PKD1L1: variants seen among roughly 807,000 people sequenced by gnomAD.
PKD1L1 encodes the protein polycystin 1 like 1, transient receptor potential channel interacting.
Under a neutral mutation model 323.4 loss-of-function variants are expected in PKD1L1, and 236 were observed. That is an observed-to-expected ratio of 0.73 (90% CI 0.66 to 0.81). PKD1L1 has a LOEUF of 0.81. Among genes scored for constraint, PKD1L1 ranks in the 40% least tolerant of loss-of-function variants. The pLI is 0.00. For synonymous variants in PKD1L1, 1,344 were observed against 1,335.0 expected (o/e 1.01, Z -0.15); for missense variants, 3,320 against 3,508.0 (o/e 0.95, Z 1.35).
At chr7:47,910,908 G>A (rs994292835) in intron 8 of PKD1L1, among the ~76,000 whole-genome samples, 6 of 147,450 alleles carry the variant, frequency 4.1e-5, no homozygotes, top group Non-Finnish European at 7.4e-5. Flanking sequence ...AGCTGGTCTC[G>A]AACTCCTGAC....
intron 17 of PKD1L1, among the ~76,000 whole-genome samples, chr7:47,887,024 C>G (rs905542841): frequency 6.8e-6 from 1 of 147,670 alleles, no homozygotes; most frequent in Non-Finnish European, 1.5e-5. Context: ...CCATGATTTA[C>G]TTTGCTGAAA....
At position 47,885,993 on chromosome 7, in the gene PKD1L1, T is replaced by C. The variant is rs200006941; in HGVS notation, c.2898A>G (p.Ser966=). The C allele has an allele frequency of 8.1e-6, 13 of 1,614,218 alleles. No individual in the cohort carries two copies. In the East Asian group the frequency reaches 2.9e-4, roughly 36 times the overall value. Residue 966 remains serine, a synonymous_variant, in exon 18 of 57, where the codon TCA becomes TCG. Transcript: ENST00000289672. ...CAGTGGGCAGCAGGTTTAACTGTGA[T>C]GACTCTGAAATGGCACCGAGTCCCA... The part of the protein sequence containing the change: ...GSLGLGAISE[S]SQLNLLPTEP...
In PKD1L1 at chr7:47,828,169, G is replaced by C. The variant is rs77364975; in HGVS notation, c.6736-701C>G. On this transcript the variant is annotated intron_variant, in intron 44 of 56. Transcript: ENST00000289672. ...CTGAGAAAGGAACACGTGTGGCGGAGAGATCCGTGGGGAGGCTTGGGTGTA... is the reference window on the plus strand; with the variant it reads ...CTGAGAAAGGAACACGTGTGGCGGACAGATCCGTGGGGAGGCTTGGGTGTA... Among the ~76,000 whole-genome samples, 994 of 152,222 alleles carry C rather than the reference G, an allele frequency of 6.5e-3. 6 individuals are homozygous for C. The highest frequency in any genetic ancestry group is 0.023 in the African/African-American group (944 of 41,546).
At position 47,774,971 on chromosome 7, in the gene PKD1L1, T is replaced by C. The variant is rs1345925387; in HGVS notation, c.*172A>G. ...GTAACAGTCTGATGACAGATAAACC[T>C]TGATTTTCATCCTGGTTTCCCATTT... On this transcript the variant is annotated 3_prime_UTR_variant, in exon 57 of 57. Transcript: ENST00000289672. 4.3e-6 allele frequency: 3 copies of C among 701,276 alleles called. No individual in the cohort carries two copies. In the East Asian group the frequency reaches 7.7e-5, roughly 18 times the overall value. 43.4% of individuals were successfully genotyped at this position (701,276 alleles called of 1,614,324 possible).
intron 56 of PKD1L1, among the ~76,000 whole-genome samples, chr7:47,783,968 T>C (rs1007622320): frequency 2.0e-5 from 3 of 152,222 alleles, no homozygotes; most frequent in Non-Finnish European, 2.9e-5. Context: ...TCTTGAACCC[T>C]GCTAGGAGAC....
intron 2 of PKD1L1, among the ~76,000 whole-genome samples, chr7:47,942,470 G>A (rs189680439): frequency 1.9e-3 from 245 of 125,854 alleles, no homozygotes; most frequent in African/African-American, 6.7e-3. Flanking sequence ...ATTTAAATCC[G>A]TCTCTTTAGA....
At position 47,877,613 on chromosome 7, in the gene PKD1L1, A is replaced by T; in HGVS notation, c.3539T>A (p.Leu1180Gln). ...TGTCAAGTACAGCTGAGCTTTACCC[A>T]GTAAGCCATGCTTCGAAGCTAAAGA... Reference protein sequence around the residue: ...QVSVASKHGLLGKAQLYLTVN... With the variant: ...QVSVASKHGLQGKAQLYLTVN... Residue 1180 changes from leucine (L) to glutamine (Q), a missense_variant, in exon 22 of 57, where the codon CTG becomes CAG. Physicochemically the swap from Leu to Gln is moderately radical, Grantham distance 113 (BLOSUM62 -2). Coordinates refer to ENST00000289672, the MANE Select transcript of PKD1L1 (RefSeq NM_138295.5). The T allele has an allele frequency of 6.2e-7, 1 of 1,613,956 alleles. No homozygotes were observed. Among genetic ancestry groups the T allele is most frequent in the Non-Finnish European group, 8.5e-7 (1 of 1,179,886 alleles).
the PKD1L1 span, among the ~76,000 whole-genome samples, chr7:47,954,772 T>C: frequency 1.3e-5 from 2 of 152,230 alleles, no homozygotes; most frequent in Admixed American, 6.5e-5. Context: ...GTCAGCATGT[T>C]TAGTCACTGT....
rs571666637 is a variant in PKD1L1 at position 47,872,536 on chromosome 7, T to C, written c.3896+1363A>G. Among the ~76,000 whole-genome samples the C allele has an allele frequency of 3.0e-4, 46 of 152,254 alleles. 1 individual carries two copies. The South Asian group carries it at 3.7e-3, about 12-fold the overall frequency. ...TACAGATAACCTACATAAAAATGGG[T>C]AAAGTACTAAGCAGACATTTCTTCA... On this transcript the variant is annotated intron_variant, in intron 24 of 56. Coordinates refer to ENST00000289672, the MANE Select transcript of PKD1L1 (RefSeq NM_138295.5).
chr7:47,911,573 C>T, intron 8 of PKD1L1, among the ~76,000 whole-genome samples: 1 of 152,160 alleles, frequency 6.6e-6, no homozygotes, highest in East Asian at 1.9e-4. Context: ...TATACTTAGC[C>T]TTCTACTTAA....
intron 55 of PKD1L1, among the ~76,000 whole-genome samples, chr7:47,794,611 T>C (rs556136455): frequency 6.6e-6 from 1 of 152,128 alleles, no homozygotes; most frequent in Non-Finnish European, 1.5e-5. Context: ...AGGGACCTAG[T>C]GGAGCTGTGA....
intron 7 of PKD1L1, among the ~76,000 whole-genome samples, chr7:47,918,488 G>A (rs993043518): frequency 6.6e-6 from 1 of 150,786 alleles, no homozygotes; most frequent in Non-Finnish European, 1.5e-5. Context: ...AAAAAACAAT[G>A]GATTTAAACT....
At chr7:47,851,890 C>T (rs1172265581) in intron 31 of PKD1L1, among the ~76,000 whole-genome samples, 2 of 151,914 alleles carry the variant, frequency 1.3e-5, no homozygotes, top group Non-Finnish European at 2.9e-5. Context: ...TATATAAAAA[C>T]ACAGCAACAA....
At chr7:47,892,962 G>T (rs1469718057) in intron 15 of PKD1L1, among the ~76,000 whole-genome samples, 1 of 152,178 alleles carries the variant, frequency 6.6e-6, no homozygotes, top group East Asian at 1.9e-4. Flanking sequence ...TGGGCCTGAT[G>T]GCTCACGCCT....
intron 8 of PKD1L1, among the ~76,000 whole-genome samples, chr7:47,910,638 A>G (rs1008397371): frequency 6.1e-5 from 9 of 147,312 alleles, no homozygotes; most frequent in Non-Finnish European, 8.9e-5. Flanking sequence ...GCGCCCGGCC[A>G]GGCATATCTT....
intron 45 of PKD1L1, among the ~76,000 whole-genome samples, chr7:47,827,117 G>T (rs1785252518): frequency 6.6e-6 from 1 of 152,254 alleles, no homozygotes; most frequent in Admixed American, 6.5e-5. Context: ...TGGGCAAATT[G>T]TGGAACTGAG....
chr7:47,865,111 T>C, intron 26 of PKD1L1, 105 bp downstream of exon 26: 1 of 781,132 alleles, frequency 1.3e-6, no homozygotes, highest in Non-Finnish European at 2.1e-6. Flanking sequence ...ATTTCTAATC[T>C]AAGTGTCAAA....
chr7:47,894,072 G>C lies in PKD1L1; in HGVS notation c.2272-13C>G, dbSNP rs1295993269. 6.5e-7 allele frequency: 1 copy of C among 1,538,820 alleles called. No homozygotes were observed. The highest frequency in any genetic ancestry group is 1.7e-4 in the Middle Eastern group (1 of 5,720). ...CTTCAATCTGAACCTGCAGGGGCAA[G>C]GAAGGACAGGGGATGTCATGCAGGG... On this transcript the variant is annotated splice_polypyrimidine_tract_variant and intron_variant, in intron 14 of 56. Coordinates refer to ENST00000289672, the MANE Select transcript of PKD1L1 (RefSeq NM_138295.5).
chr7:47,936,713 A>G, intron 4 of PKD1L1, 133 bp downstream of exon 4: 4 of 657,296 alleles, frequency 6.1e-6, no homozygotes, highest in Non-Finnish European at 1.1e-5. Context: ...TCAATTTAAG[A>G]GCTGCATTTG....
Sources: allele counts gnomAD v4.1 joint callset (sites outside exome capture counted in the v4.1 genomes callset), GRCh38; gene constraint gnomAD v4.1.1; transcripts MANE v1.5; gene names NCBI Gene and HGNC (gene_info 2026-07-23, HGNC 2026-07-21).